PAPOLA: variants seen among roughly 807,000 people sequenced by gnomAD.
PAPOLA encodes polynucleotide adenylyltransferase alpha.
Under a neutral mutation model 100.6 loss-of-function variants are expected in PAPOLA, and 15 were observed. That is an observed-to-expected ratio of 0.15 (90% CI 0.10 to 0.23). PAPOLA has a LOEUF of 0.23. Ranked by LOEUF, PAPOLA falls within the 10% of genes least tolerant of loss-of-function variation. PAPOLA has a pLI of 1.00. For synonymous variants in PAPOLA, 293 were observed against 300.0 expected, an observed-to-expected ratio of 0.98 and a Z score of 0.24; for missense variants, 533 against 884.2, an observed-to-expected ratio of 0.60 and a Z score of 5.04.
intron 1 of PAPOLA, among the ~76,000 whole-genome samples, chr14:96,516,089 C>G (rs899923378): frequency 3.9e-5 from 6 of 152,172 alleles, no homozygotes; most frequent in African/African-American, 1.4e-4. Flanking sequence ...ATTGTTTTAT[C>G]ACTCTACTTA....
At position 96,530,359 on chromosome 14, in the gene PAPOLA, T is replaced by A. The variant is rs577138450; in HGVS notation, c.496-1116T>A. ...TATTTGTACATTTCCATTTCTGTTT[T>A]AAAAATATTGCCATGTTTGTTTGTT... On this transcript the variant is annotated intron_variant, in intron 6 of 21. Coordinates refer to ENST00000216277, the MANE Select transcript of PAPOLA (RefSeq NM_032632.5). 2.2e-4 allele frequency among the ~76,000 whole-genome samples: 34 copies of A among 152,026 alleles called. No individual in the cohort carries two copies. The South Asian group carries it at 5.8e-3, about 26-fold the overall frequency.
intron 1 of PAPOLA, among the ~76,000 whole-genome samples, chr14:96,508,306 A>G (rs765499326): frequency 6.6e-6 from 1 of 152,258 alleles, no homozygotes; most frequent in Non-Finnish European, 1.5e-5. Flanking sequence ...TTTAGGAAAG[A>G]TAACAGAACT....
intron 20 of PAPOLA, among the ~76,000 whole-genome samples, chr14:96,561,123 T>G (rs1467213248): frequency 6.6e-6 from 1 of 152,196 alleles, no homozygotes; most frequent in Non-Finnish European, 1.5e-5. Context: ...GAGATCATGA[T>G]CTGTCTCTTT....
chr14:96,550,535 A>C (rs565364404), intron 16 of PAPOLA, among the ~76,000 whole-genome samples: 53 of 152,290 alleles, frequency 3.5e-4, no homozygotes, highest in African/African-American at 1.3e-3. Context: ...TTCACAGCAA[A>C]CCTACTTTTA....
intron 12 of PAPOLA, among the ~76,000 whole-genome samples, chr14:96,540,301 T>G (rs1245350496): frequency 6.6e-6 from 1 of 152,220 alleles, no homozygotes; most frequent in Non-Finnish European, 1.5e-5. Context: ...TGCCCTTAGA[T>G]GGACCCAGAC....
chr14:96,515,684 G>C (rs1897403822), intron 1 of PAPOLA, among the ~76,000 whole-genome samples: 1 of 152,190 alleles, frequency 6.6e-6, no homozygotes, highest in African/African-American at 2.4e-5. Flanking sequence ...AAATGGACCA[G>C]TTGCTCAAGC....
chr14:96,516,447 T>G (rs930883996), intron 1 of PAPOLA, among the ~76,000 whole-genome samples: 3 of 138,132 alleles, frequency 2.2e-5, no homozygotes, highest in African/African-American at 7.9e-5. Flanking sequence ...CAAGCCATCC[T>G]CCTGCCTCAG....
At chr14:96,561,831 T>G (rs928648347) in intron 20 of PAPOLA, among the ~76,000 whole-genome samples, 9 of 151,652 alleles carry the variant, frequency 5.9e-5, no homozygotes, top group Admixed American at 3.9e-4. Context: ...ATATTTCGTT[T>G]TTTTTTTTTT....
At chr14:96,558,959 TA>T (rs771467118) in intron 19 of PAPOLA, among the ~76,000 whole-genome samples, 12 of 151,976 alleles carry the variant, frequency 7.9e-5, no homozygotes, top group Non-Finnish European at 1.6e-4. Flanking sequence ...TTGATATCTC[TA>T]AGTGTCCTTT....
At chr14:96,544,627 T>C (rs942605981) in intron 15 of PAPOLA, among the ~76,000 whole-genome samples, 3 of 152,066 alleles carry the variant, frequency 2.0e-5, no homozygotes, top group African/African-American at 7.2e-5. Flanking sequence ...GGATTAGGGA[T>C]ACTCAACCTG....
At chr14:96,536,114 G>A (rs1311910067) in intron 11 of PAPOLA, 115 bp downstream of exon 11, 1 of 747,928 alleles carries the variant, frequency 1.3e-6, no homozygotes, top group Non-Finnish European at 2.0e-6. Context: ...GTGGATTTTG[G>A]TGTTCATTTA....
chr14:96,502,435 GAGAAGC>G lies in PAPOLA; in HGVS notation c.-157_-152del. The G allele has an allele frequency of 2.8e-6, 2 of 707,342 alleles. No individual in the cohort carries two copies. Among genetic ancestry groups the G allele is most frequent in the Non-Finnish European group, 5.1e-6 (2 of 389,476 alleles). 43.8% of individuals were successfully genotyped at this position (707,342 alleles called of 1,614,324 possible). A position where few individuals can be genotyped will look rare whatever the true frequency, so the allele number is the denominator to read the frequency against. Reference sequence around the variant, plus strand: ...CCATGTTAGGACGAAGGGGAAGGAGGAGAAGCGCTTAAAGCGGCGGGAGCGGTGCGG... The same window carrying G: ...CCATGTTAGGACGAAGGGGAAGGAGGGCTTAAAGCGGCGGGAGCGGTGCGG... On this transcript the variant is annotated 5_prime_UTR_variant, in exon 1 of 22. Transcript: ENST00000216277.
intron 1 of PAPOLA, among the ~76,000 whole-genome samples, chr14:96,506,340 T>C (rs565792062): frequency 1.3e-5 from 2 of 152,206 alleles, no homozygotes; most frequent in Non-Finnish European, 2.9e-5. Context: ...CTTGTGAAGC[T>C]GTATACTGGG....
At position 96,532,545 on chromosome 14, in the gene PAPOLA, C is replaced by T. The variant is rs376515260; in HGVS notation, c.732C>T (p.Leu244=). 4.8e-5 allele frequency: 78 copies of T among 1,611,346 alleles called. No homozygotes were observed. Among genetic ancestry groups the T allele is most frequent in the African/African-American group, 2.3e-4 (17 of 74,726 alleles). The part of the protein sequence containing the change: ...HNIYSNILGF[L]GGVSWAMLVA... ...TCTATTCCAATATATTAGGTTTCCT[C>T]GGTGGTGTTTCCTGGGCTATGCTAG... is the stretch of plus-strand genomic sequence containing the variant. Residue 244 remains leucine (L), a synonymous_variant, in exon 9 of 22, where the codon CTC becomes CTT. Coordinates refer to ENST00000216277, the MANE Select transcript of PAPOLA (RefSeq NM_032632.5).
rs1478415459 is a variant in PAPOLA at position 96,502,562 on chromosome 14, A to G, written c.-31A>G. The G allele has an allele frequency of 7.2e-6, 11 of 1,529,100 alleles. No homozygotes were observed. The highest frequency in any genetic ancestry group is 1.4e-5 in the African/African-American group (1 of 70,410). The allele number at this position is 1,529,100 out of a possible 1,614,324, so 94.7% of individuals were successfully genotyped here. ...GGCAGCGGCGGCGGTTGCGGGGGGG[A>G]AGTGACTGGGCGGTGCCGGCGCCGG... On this transcript the variant is annotated 5_prime_UTR_variant, in exon 1 of 22. Transcript: ENST00000216277.
intron 9 of PAPOLA, chr14:96,533,546 CTTTTTTTTTTTTT>C (rs1172413058): frequency 1.7e-6 from 1 of 574,906 alleles, no homozygotes; most frequent in African/African-American, 2.9e-5. Context: ...GTCAGAATTT[CTTTTTTTTTTTTT>C]TTTTTTTTTG....
chr14:96,518,315 C>T (rs546765751), intron 1 of PAPOLA, among the ~76,000 whole-genome samples: 3 of 152,052 alleles, frequency 2.0e-5, no homozygotes, highest in East Asian at 1.9e-4. Flanking sequence ...ACAGTCTAGC[C>T]GTTGGAGTAT....
intron 15 of PAPOLA, among the ~76,000 whole-genome samples, chr14:96,546,572 G>T (rs1029873543): frequency 6.6e-6 from 1 of 152,054 alleles, no homozygotes; most frequent in African/African-American, 2.4e-5. Context: ...GAGCCAGAAG[G>T]GTAATAAAGT....
intron 10 of PAPOLA, 191 bp from the exon 11 acceptor site, chr14:96,535,688 T>A: frequency 1.2e-6 from 1 of 815,732 alleles, no homozygotes; most frequent in Non-Finnish European, 1.6e-6. Context: ...GATCATTAGT[T>A]TAGATGAAAT....
Sources: allele counts gnomAD v4.1 joint callset (sites outside exome capture counted in the v4.1 genomes callset), GRCh38; gene constraint gnomAD v4.1.1; transcripts MANE v1.5; gene names NCBI Gene and HGNC (gene_info 2026-07-23, HGNC 2026-07-21).